Variants in SPAG16 observed in about 807,000 individuals in gnomAD.
SPAG16 encodes sperm-associated antigen 16 protein.
A neutral mutation model predicts 80.4 loss-of-function variants in SPAG16; 86 were observed. The observed-to-expected ratio is 1.07, with a 90% CI of 0.90 to 1.28. The LOEUF is 1.28. SPAG16 is among the 50% of genes most tolerant of loss of function. The pLI is 0.00. For missense variants in SPAG16, 870 were observed against 765.3 expected (o/e 1.14, Z -1.61); for synonymous variants, 294 against 265.9 (o/e 1.11, Z -1.03).
At chr2:214,268,049 A>G (rs1691711599) in intron 15 of SPAG16, among the ~76,000 whole-genome samples, 1 of 151,922 alleles carries the variant, frequency 6.6e-6, no homozygotes. Context: ...AAGAGATACA[A>G]ATTGCCAACA....
At chr2:214,138,682 T>C (rs1048708232) in intron 14 of SPAG16, among the ~76,000 whole-genome samples, 4 of 152,280 alleles carry the variant, frequency 2.6e-5, no homozygotes, top group Non-Finnish European at 4.4e-5. Context: ...GTTTCTTTAT[T>C]GTACTAGACC....
Position 213,930,023 on chromosome 2 carries a change from C to T in SPAG16, c.1278C>T (p.Gly426=), listed in dbSNP as rs1442895165. 5.0e-6 allele frequency: 8 copies of T among 1,613,914 alleles called. No individual in the cohort carries two copies. Among genetic ancestry groups the T allele is most frequent in the African/African-American group, 4.0e-5 (3 of 74,914 alleles). The change falls in exon 12 of 16, where the codon GGC becomes GGT. Residue 426 remains glycine (G), a synonymous_variant. Transcript: ENST00000331683. ...TTAAATTATGGGATCTATGTAAAGGCGATTGCATTTTGACCTTTGAAGGAC... is the reference window on the plus strand; with the variant it reads ...TTAAATTATGGGATCTATGTAAAGGTGATTGCATTTTGACCTTTGAAGGAC... ...TTVKLWDLCK[G]DCILTFEGHS...
intron 10 of SPAG16, among the ~76,000 whole-genome samples, chr2:213,502,509 G>C (rs1450138545): frequency 6.6e-6 from 1 of 152,100 alleles, no homozygotes; most frequent in Non-Finnish European, 1.5e-5. Context: ...AAGTCATTTA[G>C]ATGAAAGTAG....
chr2:213,453,314 A>G (rs971665604), intron 9 of SPAG16, among the ~76,000 whole-genome samples: 1 of 152,232 alleles, frequency 6.6e-6, no homozygotes, highest in Non-Finnish European at 1.5e-5. Flanking sequence ...GTCAATGAAT[A>G]TAAAGTGGTA....
rs139350517 is a variant in SPAG16 at position 213,350,622 on chromosome 2, G to C, written c.739G>C (p.Glu247Gln). 6.3e-7 allele frequency: 1 copy of C among 1,598,708 alleles called. No homozygotes were observed. The highest frequency in any genetic ancestry group is 8.5e-7 in the Non-Finnish European group (1 of 1,174,332). Residue 247 changes from glutamate (E) to glutamine (Q), a missense_variant, in exon 7 of 16, where the codon GAA (glutamate) becomes CAA (glutamine). Coordinates refer to ENST00000331683, the MANE Select transcript of SPAG16 (RefSeq NM_024532.5). ...LLKEKMLTSL[E>Q]RDKVVGQISG... The stretch of plus-strand genomic sequence containing the variant: ...GAAGGAGAAAATGCTGACCTCCTTG[G>C]AAAGAGACAAAGTAGTTGGGCAGGT...
intron 11 of SPAG16, among the ~76,000 whole-genome samples, chr2:213,928,918 C>T (rs1222886470): frequency 6.7e-6 from 1 of 149,272 alleles, no homozygotes; most frequent in African/African-American, 2.5e-5. Flanking sequence ...CACACACACA[C>T]ACACACACAC....
intron 10 of SPAG16, among the ~76,000 whole-genome samples, chr2:213,815,471 T>G (rs2072468961): frequency 6.6e-6 from 1 of 152,176 alleles, no homozygotes; most frequent in African/African-American, 2.4e-5. Flanking sequence ...TTCAGGTAAA[T>G]TACATCTCAA....
At chr2:213,494,194 T>C (rs1317125024) in intron 10 of SPAG16, among the ~76,000 whole-genome samples, 2 of 152,222 alleles carry the variant, frequency 1.3e-5, no homozygotes, top group Non-Finnish European at 2.9e-5. Flanking sequence ...GACTCAACTT[T>C]ATAGCTTCAT....
chr2:214,153,395 T>A (rs778831131), intron 15 of SPAG16, among the ~76,000 whole-genome samples: 9 of 152,200 alleles, frequency 5.9e-5, no homozygotes, highest in Non-Finnish European at 1.3e-4. Flanking sequence ...TGCTACAAAC[T>A]AATGATTATT....
intron 10 of SPAG16, among the ~76,000 whole-genome samples, chr2:213,699,011 CTCTAAGT>C (rs1201370814): frequency 1.3e-5 from 2 of 152,148 alleles, no homozygotes; most frequent in Non-Finnish European, 2.9e-5. Context: ...TTCTTTTCCT[CTCTAAGT>C]TCTGTTTCTG....
intron 10 of SPAG16, among the ~76,000 whole-genome samples, chr2:213,745,497 C>T (rs1367447673): frequency 6.6e-6 from 1 of 152,182 alleles, no homozygotes; most frequent in African/African-American, 2.4e-5. Context: ...CTCACCTCGA[C>T]CTCCCAAAGT....
chr2:213,911,265 C>T (rs1272586159), intron 11 of SPAG16, among the ~76,000 whole-genome samples: 1 of 152,152 alleles, frequency 6.6e-6, no homozygotes, highest in Admixed American at 6.5e-5. Flanking sequence ...CCCACCTTGG[C>T]CTCCCAGTAG....
intron 10 of SPAG16, among the ~76,000 whole-genome samples, chr2:213,742,188 C>A (rs891562477): frequency 4.0e-5 from 6 of 150,810 alleles, no homozygotes; most frequent in African/African-American, 1.5e-4. Flanking sequence ...AAAGCATTTT[C>A]AATTAAATTT....
chr2:213,867,959 A>G (rs1052954391), intron 11 of SPAG16, among the ~76,000 whole-genome samples: 1 of 149,464 alleles, frequency 6.7e-6, no homozygotes, highest in African/African-American at 2.4e-5. Context: ...AAGATAGCTC[A>G]AACGTTGTTA....
intron 10 of SPAG16, among the ~76,000 whole-genome samples, chr2:213,733,562 A>G (rs1474616957): frequency 6.6e-6 from 1 of 150,684 alleles, no homozygotes; most frequent in Non-Finnish European, 1.5e-5. Flanking sequence ...TCTGAAAGTA[A>G]AGCAAACAAA....
At chr2:214,083,344 T>C (rs988304398) in intron 13 of SPAG16, among the ~76,000 whole-genome samples, 3 of 151,958 alleles carry the variant, frequency 2.0e-5, no homozygotes, top group Non-Finnish European at 2.9e-5. Flanking sequence ...TCTTTATTCC[T>C]CTCCTGAGTT....
At chr2:213,949,828 G>T (rs1391072013) in intron 12 of SPAG16, among the ~76,000 whole-genome samples, 1 of 152,192 alleles carries the variant, frequency 6.6e-6, no homozygotes, top group East Asian at 1.9e-4. Context: ...TTGTGAAGCA[G>T]AATATTCAGG....
intron 15 of SPAG16, among the ~76,000 whole-genome samples, chr2:214,355,414 A>G (rs1329407321): frequency 6.9e-6 from 1 of 145,252 alleles, no homozygotes; most frequent in East Asian, 2.0e-4. Flanking sequence ...CAAAAAACAC[A>G]TGAAAAAATG....
chr2:213,324,040 A>G (rs1233455409), intron 5 of SPAG16, among the ~76,000 whole-genome samples: 3 of 152,208 alleles, frequency 2.0e-5, no homozygotes, highest in Non-Finnish European at 2.9e-5. Context: ...TCAGTGCTAC[A>G]GATTTGTTAT....
Sources: gnomAD v4.1 joint callset for allele counts (sites outside exome capture counted in the v4.1 genomes callset) on GRCh38, gnomAD v4.1.1 for gene constraint, MANE v1.5 for transcripts, NCBI Gene and HGNC (gene_info 2026-07-23, HGNC 2026-07-21) for gene names.